CTNNA3: variants seen among roughly 807,000 people sequenced by gnomAD.
The protein encoded by CTNNA3 is catenin alpha-3.
A neutral mutation model predicts 95.7 loss-of-function variants in CTNNA3; 76 were observed. The observed-to-expected ratio is 0.79, with a 90% CI of 0.66 to 0.96. The LOEUF (loss-of-function observed/expected upper bound fraction) is 0.96, where lower values mean the gene tolerates loss of function less well. Among genes scored for constraint, CTNNA3 ranks in the 40% least tolerant of loss-of-function variants. CTNNA3 has a pLI of 0.00. For synonymous variants in CTNNA3, 431 were observed against 374.4 expected, an observed-to-expected ratio of 1.15 and a Z score of -1.74; for missense variants, 1,191 against 1,089.8, an observed-to-expected ratio of 1.09 and a Z score of -1.31.
chr10:67,274,180 C>T (rs1839093905), intron 5 of CTNNA3, among the ~76,000 whole-genome samples: 1 of 152,122 alleles, frequency 6.6e-6, no homozygotes, highest in African/African-American at 2.4e-5. Flanking sequence ...GTTCTTAGTT[C>T]AGCTTCATGC....
At chr10:67,138,663 A>G (rs1262078818) in intron 7 of CTNNA3, among the ~76,000 whole-genome samples, 2 of 152,172 alleles carry the variant, frequency 1.3e-5, no homozygotes, top group African/African-American at 4.8e-5. Context: ...ATTCCTTTCA[A>G]CCAGAGGGTT....
intron 5 of CTNNA3, among the ~76,000 whole-genome samples, chr10:67,322,946 T>C (rs1370513713): frequency 6.6e-6 from 1 of 152,236 alleles, no homozygotes; most frequent in East Asian, 1.9e-4. Context: ...CATTGTGGTT[T>C]TGATTTGCAT....
At chr10:67,156,604 A>C (rs2132078212) in intron 7 of CTNNA3, among the ~76,000 whole-genome samples, 1 of 152,112 alleles carries the variant, frequency 6.6e-6, no homozygotes, top group South Asian at 2.1e-4. Flanking sequence ...TTCTGCTACT[A>C]ATATTTAATA....
chr10:66,101,123 G>A (rs1052021380), intron 14 of CTNNA3, among the ~76,000 whole-genome samples: 2 of 152,106 alleles, frequency 1.3e-5, no homozygotes, highest in Non-Finnish European at 2.9e-5. Flanking sequence ...CAAGAGCAAA[G>A]CTTACTTTTA....
intron 1 of CTNNA3, among the ~76,000 whole-genome samples, chr10:67,726,281 A>ATTACATATTATATATAATATTATC (rs1564840984): frequency 3.2e-5 from 3 of 92,876 alleles, no homozygotes; most frequent in African/African-American, 5.0e-5. Context: ...TATATATTAT[A>ATTACATATTATATATAATATTATC]TTACATATTA....
At chr10:66,955,578 T>G (rs957890691) in intron 7 of CTNNA3, among the ~76,000 whole-genome samples, 1 of 152,136 alleles carries the variant, frequency 6.6e-6, no homozygotes, top group East Asian at 1.9e-4. Context: ...TCATAACAGC[T>G]GGCACAGAGT....
intron 9 of CTNNA3, among the ~76,000 whole-genome samples, chr10:66,730,478 T>C (rs1179736131): frequency 6.6e-6 from 1 of 152,064 alleles, no homozygotes; most frequent in African/African-American, 2.4e-5. Flanking sequence ...AGGGAGTGCA[T>C]CAAGAAGAAC....
chr10:67,063,137 C>T (rs950262615), intron 7 of CTNNA3, among the ~76,000 whole-genome samples: 8 of 152,066 alleles, frequency 5.3e-5, no homozygotes, highest in Admixed American at 1.3e-4. Flanking sequence ...ATCAGACTAC[C>T]AGGAAAACAT....
At chr10:66,015,107 AT>A (rs1410385675) in intron 15 of CTNNA3, among the ~76,000 whole-genome samples, 7 of 151,158 alleles carry the variant, frequency 4.6e-5, no homozygotes, top group Non-Finnish European at 1.0e-4. Flanking sequence ...GTCTCAAAAA[AT>A]AATAATAATA....
At chr10:67,231,256 T>C (rs984918855) in intron 5 of CTNNA3, among the ~76,000 whole-genome samples, 13 of 152,238 alleles carry the variant, frequency 8.5e-5, no homozygotes, top group Non-Finnish European at 1.3e-4. Flanking sequence ...CAGTAACCTC[T>C]GCAGACTTAA....
intron 7 of CTNNA3, among the ~76,000 whole-genome samples, chr10:66,934,829 C>T (rs1847601451): frequency 6.6e-6 from 1 of 152,156 alleles, no homozygotes; most frequent in African/African-American, 2.4e-5. Context: ...GTTGACATTT[C>T]ATCACATCAA....
chr10:66,157,526 GATAGATAGAT>G (rs2084603815), intron 13 of CTNNA3, among the ~76,000 whole-genome samples: 1 of 116,012 alleles, frequency 8.6e-6, no homozygotes, highest in East Asian at 2.9e-4. Context: ...TAGATAGATA[GATAGATAGAT>G]AGATAATCAC....
At chr10:67,459,136 T>C (rs914665156) in intron 5 of CTNNA3, among the ~76,000 whole-genome samples, 1 of 152,206 alleles carries the variant, frequency 6.6e-6, no homozygotes, top group African/African-American at 2.4e-5. Context: ...GTTCAATATA[T>C]ACCTACAACA....
Position 66,351,215 on chromosome 10 carries a change from C to T in CTNNA3, c.1732+27937G>A, listed in dbSNP as rs144050657. Among the ~76,000 whole-genome samples the T allele has an allele frequency of 2.4e-4, 37 of 152,034 alleles. No homozygotes were observed. The East Asian group carries it at 5.2e-3, about 21-fold the overall frequency. On this transcript the variant is annotated intron_variant, in intron 12 of 17. Coordinates refer to ENST00000433211, the MANE Select transcript of CTNNA3 (RefSeq NM_013266.4). Reference sequence around the variant, plus strand: ...GAGGATACAGTAATCATGACCACTCCGGTGTCAATTACTGTGTATGGAGAA... The same window carrying T: ...GAGGATACAGTAATCATGACCACTCTGGTGTCAATTACTGTGTATGGAGAA...
intron 12 of CTNNA3, among the ~76,000 whole-genome samples, chr10:66,323,743 A>G (rs2092220037): frequency 6.6e-6 from 1 of 151,816 alleles, no homozygotes; most frequent in Admixed American, 6.6e-5. Context: ...AAATGAGAAC[A>G]GGCATTTCTG....
chr10:66,407,796 G>C (rs1437100084), intron 11 of CTNNA3, among the ~76,000 whole-genome samples: 1 of 152,088 alleles, frequency 6.6e-6, no homozygotes, highest in Admixed American at 6.5e-5. Flanking sequence ...GGCCAGGCTG[G>C]TCTCGATCTC....
chr10:67,434,700 A>G (rs1846238538), intron 5 of CTNNA3, among the ~76,000 whole-genome samples: 1 of 152,000 alleles, frequency 6.6e-6, no homozygotes, highest in South Asian at 2.1e-4. Flanking sequence ...AACCCAAGCG[A>G]CATCATGGAA....
chr10:67,156,983 T>C (rs918162871), intron 7 of CTNNA3, among the ~76,000 whole-genome samples: 8 of 152,258 alleles, frequency 5.3e-5, no homozygotes, highest in African/African-American at 1.9e-4. Flanking sequence ...GTACATATAT[T>C]TATAGTTGCT....
intron 13 of CTNNA3, among the ~76,000 whole-genome samples, chr10:66,141,690 GATAA>G (rs140162612): frequency 0.048 from 7,269 of 152,084 alleles, 210 homozygotes; most frequent in African/African-American, 0.067. Context: ...TTATATAAAC[GATAA>G]ATAATTTATT....
Sources: gnomAD v4.1 joint callset for allele counts (sites outside exome capture counted in the v4.1 genomes callset) on GRCh38, gnomAD v4.1.1 for gene constraint, MANE v1.5 for transcripts, NCBI Gene and HGNC (gene_info 2026-07-23, HGNC 2026-07-21) for gene names.